The following ADGRL2 variants were observed in gnomAD, a reference collection of about 807,000 sequenced individuals.
ADGRL2 encodes the protein adhesion G protein-coupled receptor L2.
ADGRL2 carries 44 observed loss-of-function variants against 157.4 expected under a neutral mutation model. The observed-to-expected ratio is 0.28, with a 90% confidence interval of 0.22 to 0.36. ADGRL2 has a LOEUF of 0.36. Among genes scored for constraint, ADGRL2 ranks in the 10% least tolerant of loss-of-function variants. ADGRL2 has a pLI of 1.00. For missense variants in ADGRL2, 1,510 were observed against 1,768.9 expected (o/e 0.85, Z 2.63); for synonymous variants, 585 against 624.7 (o/e 0.94, Z 0.95).
At chr1:81,470,964 A>C (rs1421197202) in intron 2 of ADGRL2, among the ~76,000 whole-genome samples, 1 of 152,174 alleles carries the variant, frequency 6.6e-6, no homozygotes, top group Non-Finnish European at 1.5e-5. Context: ...TCAAATCCTG[A>C]CTGCAGTTTT....
intron 2 of ADGRL2, among the ~76,000 whole-genome samples, chr1:81,504,487 AC>A (rs2148037165): frequency 6.6e-6 from 1 of 150,712 alleles, no homozygotes; most frequent in South Asian, 2.1e-4. Flanking sequence ...TGTTTTGCTG[AC>A]TTTTTTTTTT....
At chr1:81,929,960 T>TTG (rs1322431299) in intron 3 of ADGRL2, among the ~76,000 whole-genome samples, 10 of 152,134 alleles carry the variant, frequency 6.6e-5, no homozygotes, top group Non-Finnish European at 1.5e-4. Flanking sequence ...AATGCTAAGG[T>TTG]TGAAAGGTTT....
At chr1:81,458,608 C>A (rs1474577581) in intron 2 of ADGRL2, among the ~76,000 whole-genome samples, 1 of 152,180 alleles carries the variant, frequency 6.6e-6, no homozygotes, top group Non-Finnish European at 1.5e-5. Context: ...GGCCCAGATC[C>A]CGTGCCTGCC....
At chr1:81,941,134 T>C (rs1647799691) in intron 4 of ADGRL2, among the ~76,000 whole-genome samples, 1 of 150,970 alleles carries the variant, frequency 6.6e-6, no homozygotes, top group African/African-American at 2.4e-5. Flanking sequence ...TCTTCCTTTT[T>C]CTCCTTGCCT....
At chr1:81,859,422 T>G (rs2093319468) in intron 2 of ADGRL2, among the ~76,000 whole-genome samples, 1 of 151,350 alleles carries the variant, frequency 6.6e-6, no homozygotes, top group Non-Finnish European at 1.5e-5. Context: ...TTTTTTTTTT[T>G]TTGAGACAGG....
chr1:81,710,147 C>G (rs2083875656), intron 1 of ADGRL2, among the ~76,000 whole-genome samples: 1 of 152,148 alleles, frequency 6.6e-6, no homozygotes. Context: ...TCAGATTCTT[C>G]TGGCATTATA....
intron 18 of ADGRL2, chr1:81,981,109 TATA>T (rs1478671628): frequency 4.4e-6 from 2 of 453,482 alleles, no homozygotes; most frequent in Non-Finnish European, 8.7e-6. Context: ...CTTTTCTGCT[TATA>T]ATGCTTTCTA....
At chr1:81,611,182 C>T (rs979050225) in intron 3 of ADGRL2, among the ~76,000 whole-genome samples, 4 of 152,158 alleles carry the variant, frequency 2.6e-5, no homozygotes, top group African/African-American at 9.7e-5. Context: ...AAATGTGGTT[C>T]TTCATATAAA....
intron 3 of ADGRL2, among the ~76,000 whole-genome samples, chr1:81,639,534 T>A (rs183364491): frequency 8.0e-4 from 65 of 80,962 alleles, no homozygotes; most frequent in African/African-American, 2.9e-3. Context: ...TGAGACTCCA[T>A]CTCTACAAAA....
At chr1:81,685,301 A>G (rs1000291607) in intron 3 of ADGRL2, among the ~76,000 whole-genome samples, 3 of 152,044 alleles carry the variant, frequency 2.0e-5, no homozygotes, top group Non-Finnish European at 2.9e-5. Context: ...TGTGTCATCT[A>G]TGATTTCTTT....
chr1:81,730,548 C>A (rs1417682381), intron 1 of ADGRL2, among the ~76,000 whole-genome samples: 4 of 151,970 alleles, frequency 2.6e-5, no homozygotes, highest in African/African-American at 9.7e-5. Context: ...CATGGTGAAA[C>A]CCCATCTCTA....
intron 2 of ADGRL2, among the ~76,000 whole-genome samples, chr1:81,894,720 T>A (rs2094344066): frequency 6.8e-6 from 1 of 146,094 alleles, no homozygotes; most frequent in South Asian, 2.2e-4. Context: ...ATTATTTCAA[T>A]ATGTTTTTTT....
chr1:81,503,429 G>T (rs1237740636), intron 2 of ADGRL2: 25 of 1,613,528 alleles, frequency 1.5e-5, no homozygotes, highest in Middle Eastern at 1.7e-4. Flanking sequence ...TCATCCCGGG[G>T]CACCCCCAGC....
chr1:81,504,598 C>G (rs988162192), intron 2 of ADGRL2, among the ~76,000 whole-genome samples: 12 of 152,180 alleles, frequency 7.9e-5, no homozygotes, highest in African/African-American at 2.2e-4. Context: ...GCCCTTCCCT[C>G]AAGCCCAGTG....
chr1:81,471,089 G>A (rs1221017935), intron 2 of ADGRL2, among the ~76,000 whole-genome samples: 1 of 152,062 alleles, frequency 6.6e-6, no homozygotes, highest in Non-Finnish European at 1.5e-5. Context: ...TCTAAATAAG[G>A]TAAGATCTGT....
At chr1:81,950,523 G>A in intron 7 of ADGRL2, 41 bp downstream of exon 7, 1 of 1,545,844 alleles carries the variant, frequency 6.5e-7, no homozygotes, top group Non-Finnish European at 8.8e-7. Flanking sequence ...TTTCAATTTA[G>A]TAAGTAGGTT....
chr1:81,357,655 C>T (rs1663413802), intron 1 of ADGRL2, among the ~76,000 whole-genome samples: 1 of 152,126 alleles, frequency 6.6e-6, no homozygotes, highest in South Asian at 2.1e-4. Context: ...ATATAAATAA[C>T]ATTAACACCA....
chr1:81,513,302 T>C (rs754244521), intron 2 of ADGRL2, among the ~76,000 whole-genome samples: 4 of 152,196 alleles, frequency 2.6e-5, no homozygotes, highest in Non-Finnish European at 5.9e-5. Context: ...AGGAGAACTT[T>C]GAATAGACAA....
At chr1:81,905,099 CTTT>C (rs199618498) in intron 2 of ADGRL2, among the ~76,000 whole-genome samples, 1 of 142,880 alleles carries the variant, frequency 7.0e-6, no homozygotes. Context: ...CCTTACTATA[CTTT>C]TTTTTTTTTT....
Sources: allele counts gnomAD v4.1 joint callset (sites outside exome capture counted in the v4.1 genomes callset), GRCh38; gene constraint gnomAD v4.1.1; transcripts MANE v1.5; gene names NCBI Gene and HGNC (gene_info 2026-07-23, HGNC 2026-07-21).